Variants in TMEM232 observed in about 807,000 individuals in gnomAD.
TMEM232 encodes the protein transmembrane protein 232.
TMEM232 carries 80 observed loss-of-function variants against 78.8 expected under a neutral mutation model. That is an observed-to-expected ratio of 1.01 (90% CI 0.85 to 1.22). TMEM232 has a LOEUF of 1.22. Among genes scored for constraint, TMEM232 ranks in the 50% most tolerant of loss-of-function variants. TMEM232 has a pLI of 0.00. For missense variants in TMEM232, 881 were observed against 742.2 expected (o/e 1.19, Z -2.17); for synonymous variants, 297 against 254.3 (o/e 1.17, Z -1.60).
chr5:110,546,985 A>C (rs1773857798), intron 11 of TMEM232, among the ~76,000 whole-genome samples: 1 of 152,082 alleles, frequency 6.6e-6, no homozygotes, highest in Non-Finnish European at 1.5e-5. Flanking sequence ...AAAGAGAAAA[A>C]AAAACACCTC....
intron 2 of TMEM232, among the ~76,000 whole-genome samples, chr5:110,655,305 A>T (rs1788880630): frequency 6.6e-6 from 1 of 150,378 alleles, no homozygotes; most frequent in Non-Finnish European, 1.5e-5. Flanking sequence ...ACATGAAAAA[A>T]TGCTCATCAT....
intron 12 of TMEM232, among the ~76,000 whole-genome samples, chr5:110,453,186 A>G (rs2149339687): frequency 6.6e-6 from 1 of 152,354 alleles, no homozygotes; most frequent in South Asian, 2.1e-4. Flanking sequence ...AATTTGCTGC[A>G]GCACAATTAC....
chr5:110,538,279 C>A (rs550711403), intron 11 of TMEM232, among the ~76,000 whole-genome samples: 4 of 152,084 alleles, frequency 2.6e-5, no homozygotes, highest in African/African-American at 9.7e-5. Context: ...CAATCCACCA[C>A]GGACATTAGA....
chr5:110,490,290 A>C lies in TMEM232; in HGVS notation c.1703+38298T>G, dbSNP rs1416284194. Among the ~76,000 whole-genome samples the C allele has an allele frequency of 3.3e-5, 5 of 152,312 alleles. No homozygotes were observed. The South Asian group carries it at 1.0e-3, about 32-fold the overall frequency. On this transcript the variant is annotated intron_variant, in intron 12 of 13. Transcript: ENST00000455884. The stretch of plus-strand genomic sequence containing the variant: ...AATTTGCCATAGTATCAAAAATAAT[A>C]CTTGGAAGTAAGGTTAACAAGAGAA...
At chr5:110,478,926 T>C (rs1290382849) in intron 12 of TMEM232, among the ~76,000 whole-genome samples, 1 of 150,778 alleles carries the variant, frequency 6.6e-6, no homozygotes, top group Non-Finnish European at 1.5e-5. Flanking sequence ...TTTTTGCTCT[T>C]TCTTTGTGGG....
chr5:110,651,632 AC>A (rs1372965973), intron 2 of TMEM232, among the ~76,000 whole-genome samples: 3 of 152,160 alleles, frequency 2.0e-5, no homozygotes, highest in Non-Finnish European at 4.4e-5. Context: ...AGAGCATGAC[AC>A]AATTTTGTTA....
chr5:110,563,102 G>A (rs56810033), intron 11 of TMEM232, among the ~76,000 whole-genome samples: 5,474 of 151,800 alleles, frequency 0.036, 187 homozygotes, highest in East Asian at 0.15. Flanking sequence ...CTAACTTTCC[G>A]CCTTCATTTA....
chr5:110,710,493 T>C (rs981705640), intron 1 of TMEM232, among the ~76,000 whole-genome samples: 1 of 152,072 alleles, frequency 6.6e-6, no homozygotes, highest in Non-Finnish European at 1.5e-5. Flanking sequence ...GCAAAAATCC[T>C]CAACAATATC....
rs569596699 is a variant in TMEM232, at chr5:110,424,762, C to G, written c.1797+61G>C. ...TTTCAGTCTCAGAACTACATTTTATCATTTAAAGTGCTTTTAAGGAACAAA... is the reference window on the plus strand; with the variant it reads ...TTTCAGTCTCAGAACTACATTTTATGATTTAAAGTGCTTTTAAGGAACAAA... On this transcript the variant is annotated intron_variant, in intron 13 of 13. Coordinates refer to ENST00000455884, the MANE Select transcript of TMEM232 (RefSeq NM_001039763.4). The G allele has an allele frequency of 6.2e-5, 80 of 1,283,946 alleles. 1 individual carries two copies. The South Asian group carries it at 1.1e-3, about 17-fold the overall frequency. 79.5% of individuals were successfully genotyped at this position (1,283,946 alleles called of 1,614,324 possible). A position where few individuals can be genotyped will look rare whatever the true frequency, so the allele number is the denominator to read the frequency against.
chr5:110,437,093 CTT>C (rs1561493518), intron 12 of TMEM232, among the ~76,000 whole-genome samples: 1 of 151,854 alleles, frequency 6.6e-6, no homozygotes, highest in African/African-American at 2.4e-5. Flanking sequence ...CATGAAATAT[CTT>C]TTCATTTTTT....
chr5:110,683,419 T>C (rs943566862), intron 1 of TMEM232, among the ~76,000 whole-genome samples: 4 of 151,912 alleles, frequency 2.6e-5, no homozygotes, highest in African/African-American at 4.8e-5. Context: ...CCTTGTAATA[T>C]ATATATAGAG....
At chr5:110,607,416 G>A (rs1484944653) in intron 8 of TMEM232, among the ~76,000 whole-genome samples, 2 of 151,748 alleles carry the variant, frequency 1.3e-5, no homozygotes, top group Non-Finnish European at 2.9e-5. Flanking sequence ...TGTGGCAGGT[G>A]CTGCCTATTG....
intron 2 of TMEM232, among the ~76,000 whole-genome samples, chr5:110,645,092 C>T: frequency 6.6e-6 from 1 of 151,218 alleles, no homozygotes; most frequent in East Asian, 1.9e-4. Flanking sequence ...AATGAAAAAC[C>T]TCCCAACAAA....
At chr5:110,628,014 G>C (rs1784635919) in intron 5 of TMEM232, 134 bp from the exon 6 acceptor site, 1 of 688,182 alleles carries the variant, frequency 1.5e-6, no homozygotes, top group East Asian at 2.9e-5. Context: ...ATATTATGTG[G>C]TTTTTAAATA....
At chr5:110,698,230 G>A (rs1795030891) in intron 1 of TMEM232, among the ~76,000 whole-genome samples, 1 of 151,646 alleles carries the variant, frequency 6.6e-6, no homozygotes, top group Admixed American at 6.6e-5. Context: ...GGTGGGAATG[G>A]AACAATGAGA....
At chr5:110,509,948 A>C (rs1349468820) in intron 12 of TMEM232, among the ~76,000 whole-genome samples, 1 of 152,140 alleles carries the variant, frequency 6.6e-6, no homozygotes, top group Non-Finnish European at 1.5e-5. Flanking sequence ...ATTTTTCTTA[A>C]GTTTTTATAA....
At chr5:110,647,181 T>C (rs952647488) in intron 2 of TMEM232, among the ~76,000 whole-genome samples, 4 of 152,026 alleles carry the variant, frequency 2.6e-5, no homozygotes, top group Middle Eastern at 3.4e-3. Context: ...TGAAGAGATG[T>C]CCTTTTGTAC....
At chr5:110,441,478 A>T (rs147786228) in intron 12 of TMEM232, among the ~76,000 whole-genome samples, 1 of 152,156 alleles carries the variant, frequency 6.6e-6, no homozygotes, top group Admixed American at 6.5e-5. Flanking sequence ...ACAGATTTCC[A>T]TGATGGCACC....
rs565806052 is a variant in TMEM232 at position 110,391,901 on chromosome 5, G to A, written n.391-1261C>T. Reference sequence around the variant, plus strand: ...TAAATCAAATAGCGAGGTGCTTAGTGAATAGATAAGAAACATGCAGAGTCT... The same window carrying A: ...TAAATCAAATAGCGAGGTGCTTAGTAAATAGATAAGAAACATGCAGAGTCT... On this transcript the variant is annotated intron_variant and non_coding_transcript_variant, in intron 3 of 8. Coordinates refer to the TMEM232 transcript ENST00000507188. Among the ~76,000 whole-genome samples, 49 of 152,268 alleles carry A rather than the reference G, an allele frequency of 3.2e-4. No individual in the cohort carries two copies. The Middle Eastern group carries it at 0.01, about 32-fold the overall frequency.
Sources: allele counts gnomAD v4.1 joint callset (sites outside exome capture counted in the v4.1 genomes callset), GRCh38; gene constraint gnomAD v4.1.1; transcripts MANE v1.5; gene names NCBI Gene and HGNC (gene_info 2026-07-23, HGNC 2026-07-21).